Variants in PCBD2 observed in about 807,000 individuals in gnomAD.
The protein encoded by PCBD2 is pterin-4 alpha-carbinolamine dehydratase 2.
A neutral mutation model predicts 16.4 loss-of-function variants in PCBD2; 12 were observed. That is an observed-to-expected ratio of 0.73 (90% CI 0.47 to 1.19). PCBD2 has a LOEUF of 1.19. Ranked by LOEUF, PCBD2 falls within the 50% of genes most tolerant of loss-of-function variation. The pLI, the probability that PCBD2 is intolerant of heterozygous loss-of-function variation, is 0.00. For missense variants in PCBD2, 138 were observed against 156.8 expected, an observed-to-expected ratio of 0.88 and a Z score of 0.64; for synonymous variants, 58 against 61.8, an observed-to-expected ratio of 0.94 and a Z score of 0.29.
intron 2 of PCBD2, chr5:134,927,774 G>A (rs555174489): frequency 7.5e-6 from 3 of 397,670 alleles, no homozygotes; most frequent in East Asian, 7.1e-5. Context: ...TCGTGATAGT[G>A]GTTCATTGGA....
intron 2 of PCBD2, among the ~76,000 whole-genome samples, chr5:134,919,256 G>A (rs1470669489): frequency 6.6e-6 from 1 of 152,176 alleles, no homozygotes; most frequent in Non-Finnish European, 1.5e-5. Flanking sequence ...AGCAGTTTGA[G>A]CTGACGTGAA....
chr5:134,943,894 T>C (rs1751261065), intron 2 of PCBD2, among the ~76,000 whole-genome samples: 1 of 152,228 alleles, frequency 6.6e-6, no homozygotes, highest in Non-Finnish European at 1.5e-5. Context: ...AGCAAATTAA[T>C]AAACTTGTAA....
chr5:134,922,134 G>A (rs533085257), intron 2 of PCBD2, among the ~76,000 whole-genome samples: 1 of 152,308 alleles, frequency 6.6e-6, no homozygotes, highest in Admixed American at 6.5e-5. Flanking sequence ...CTTGACCAAG[G>A]CCACAAAAAT....
intron 2 of PCBD2, among the ~76,000 whole-genome samples, chr5:134,946,689 G>A (rs1356099288): frequency 2.0e-5 from 3 of 152,182 alleles, no homozygotes; most frequent in Non-Finnish European, 4.4e-5. Flanking sequence ...ACTGCTTATA[G>A]AAAATGTATT....
intron 2 of PCBD2, among the ~76,000 whole-genome samples, chr5:134,949,202 C>G (rs189618496): frequency 1.3e-5 from 2 of 152,078 alleles, no homozygotes; most frequent in South Asian, 4.1e-4. Flanking sequence ...GAAATCTTCC[C>G]GTGCCGACAC....
rs1209980918 is a variant in PCBD2, at chr5:134,960,597, T to G, written c.309T>G (p.Thr103=). The stretch of plus-strand genomic sequence containing the variant: ...TTTCTTTTTCTTAGGTCCAGATAAC[T>G]CTCACCTCACATGACTGTGGTGAAC... ...WFNVYNKVQI[T]LTSHDCGELT... is the part of the protein sequence containing the mutation. Residue 103 remains threonine, a synonymous_variant, in exon 4 of 4, where the codon ACT becomes ACG. Coordinates refer to ENST00000254908, the MANE Select transcript of PCBD2 (RefSeq NM_032151.5). The G allele has an allele frequency of 6.2e-7, 1 of 1,609,266 alleles. No individual in the cohort carries two copies. The highest frequency in any genetic ancestry group is 8.5e-7 in the Non-Finnish European group (1 of 1,176,842).
intron 2 of PCBD2, among the ~76,000 whole-genome samples, chr5:134,919,021 A>G (rs1750868513): frequency 6.6e-6 from 1 of 152,256 alleles, no homozygotes; most frequent in Admixed American, 6.5e-5. Context: ...TGCAAATATG[A>G]CACCACACTG....
chr5:134,909,115 A>G (rs1750733682), intron 1 of PCBD2: 1 of 152,264 alleles, frequency 6.6e-6, no homozygotes, highest in African/African-American at 2.4e-5. Flanking sequence ...TAAAAAACCA[A>G]TAGCATGGGA....
intron 2 of PCBD2, among the ~76,000 whole-genome samples, chr5:134,937,852 C>A (rs1301451046): frequency 6.6e-6 from 1 of 152,252 alleles, no homozygotes; most frequent in Non-Finnish European, 1.5e-5. Context: ...GTTTATCAGT[C>A]TGATGCAAGC....
chr5:134,960,812 G>GT lies in PCBD2; in HGVS notation c.*131_*132insT. The GT allele has an allele frequency of 2.7e-6, 2 of 732,132 alleles. No individual in the cohort carries two copies. Among genetic ancestry groups the GT allele is most frequent in the South Asian group, 1.8e-5 (1 of 56,224 alleles). 45.4% of individuals were successfully genotyped at this position (732,132 alleles called of 1,614,324 possible). On this transcript the variant is annotated 3_prime_UTR_variant, in exon 4 of 4. Coordinates refer to ENST00000254908, the MANE Select transcript of PCBD2 (RefSeq NM_032151.5). Reference sequence around the variant, plus strand: ...GACAGAGTGTTGCTCTGTCGCCCAGGCCAGAGTGCAGTGGTATGATCTCGG... The same window carrying GT: ...GACAGAGTGTTGCTCTGTCGCCCAGGTCCAGAGTGCAGTGGTATGATCTCGG...
At chr5:134,939,652 AC>A (rs1414019799) in intron 2 of PCBD2, among the ~76,000 whole-genome samples, 4 of 152,120 alleles carry the variant, frequency 2.6e-5, no homozygotes, top group Non-Finnish European at 5.9e-5. Context: ...CACATGAGAC[AC>A]CCAAGAAGGT....
intron 2 of PCBD2, chr5:134,924,846 A>G (rs73790732): frequency 0.032 from 12,564 of 391,500 alleles, 588 homozygotes; most frequent in African/African-American, 0.15. Context: ...GGCCTAGATA[A>G]GGGACTGTGC....
At chr5:134,905,606 T>C (rs1169377252) in intron 1 of PCBD2, 1 of 184,678 alleles carries the variant, frequency 5.4e-6, no homozygotes, top group Non-Finnish European at 1.1e-5. Flanking sequence ...TGGCTCCCTA[T>C]GGCGGCTCCC....
rs1267409146 is a variant in PCBD2 at position 134,945,136 on chromosome 5, C to CA, written c.217-13900dup. Among the ~76,000 whole-genome samples the CA allele has an allele frequency of 5.3e-5, 8 of 152,220 alleles. No individual in the cohort carries two copies. In the East Asian group the frequency reaches 1.5e-3, roughly 29 times the overall value. The stretch of plus-strand genomic sequence containing the variant: ...GTATGAAATAATAAACTTGTAAAAA[C>CA]AAAAGGGAAGAATTTCCCTGTAGCA... On this transcript the variant is annotated intron_variant, in intron 2 of 3. Coordinates refer to ENST00000254908, the MANE Select transcript of PCBD2 (RefSeq NM_032151.5).
chr5:134,938,249 C>T (rs1015232574), intron 2 of PCBD2, among the ~76,000 whole-genome samples: 3 of 152,188 alleles, frequency 2.0e-5, no homozygotes, highest in East Asian at 1.9e-4. Flanking sequence ...TCTCCAGATC[C>T]GTCATTGTTG....
chr5:134,916,988 T>C (rs1335352828), intron 2 of PCBD2, among the ~76,000 whole-genome samples: 1 of 152,240 alleles, frequency 6.6e-6, no homozygotes, highest in East Asian at 1.9e-4. Context: ...CTTTGCTTTT[T>C]TGTTGTTCCT....
intron 2 of PCBD2, among the ~76,000 whole-genome samples, chr5:134,918,638 T>C (rs1195566080): frequency 4.6e-5 from 7 of 152,250 alleles, no homozygotes; most frequent in Non-Finnish European, 1.0e-4. Context: ...CATGTGCTCA[T>C]GATTGGCTTT....
intron 2 of PCBD2, among the ~76,000 whole-genome samples, 185 bp downstream of exon 2, chr5:134,910,651 T>C (rs1222266402): frequency 2.6e-5 from 4 of 152,242 alleles, no homozygotes; most frequent in African/African-American, 9.6e-5. Context: ...GGGTGGTGTT[T>C]AGCTCTGGGG....
intron 2 of PCBD2, among the ~76,000 whole-genome samples, chr5:134,911,107 A>T (rs78201640): frequency 0.011 from 1,643 of 152,338 alleles, 22 homozygotes; most frequent in African/African-American, 0.037. Flanking sequence ...TATACTTATC[A>T]GAAAGGGGCA....
Sources: allele counts gnomAD v4.1 joint callset (sites outside exome capture counted in the v4.1 genomes callset), GRCh38; gene constraint gnomAD v4.1.1; transcripts MANE v1.5; gene names NCBI Gene and HGNC (gene_info 2026-07-23, HGNC 2026-07-21).